ENGASE: variants seen among roughly 807,000 people sequenced by gnomAD.
The protein encoded by ENGASE is cytosolic endo-beta-N-acetylglucosaminidase.
ENGASE carries 69 observed loss-of-function variants against 78.5 expected under a neutral mutation model. The ratio of observed to expected loss-of-function variants is 0.88; its 90% CI spans 0.72 to 1.07. The LOEUF is 1.07. Among genes scored for constraint, ENGASE ranks in the 50% least tolerant of loss-of-function variants. The probability of loss-of-function intolerance (pLI) is 0.00; values close to 1 mark genes in which losing one functional copy is unlikely to be tolerated. For synonymous variants in ENGASE, 408 were observed against 408.9 expected, an observed-to-expected ratio of 1.00 and a Z score of 0.03; for missense variants, 943 against 988.4, an observed-to-expected ratio of 0.95 and a Z score of 0.62.
At chr17:79,084,501 C>T (rs777342352) in intron 10 of ENGASE, 37 bp from the exon 11 acceptor site, 1 of 1,506,840 alleles carries the variant, frequency 6.6e-7, no homozygotes, top group East Asian at 2.6e-5. Context: ...TCTCAGTGGT[C>T]TCTCCACGGC....
At chr17:79,078,324 AGT>A (rs1195990661) in intron 3 of ENGASE, among the ~76,000 whole-genome samples, 1 of 152,188 alleles carries the variant, frequency 6.6e-6, no homozygotes, top group Non-Finnish European at 1.5e-5. Context: ...TGGGCAACAG[AGT>A]GAGACTCTGT....
Position 79,082,015 on chromosome 17 carries a change from T to C in ENGASE, c.990T>C (p.Asp330=). 1.9e-6 allele frequency: 3 copies of C among 1,614,182 alleles called. No individual in the cohort carries two copies. Among genetic ancestry groups the C allele is most frequent in the Admixed American group, 1.7e-5 (1 of 60,022 alleles). Reference sequence around the variant, plus strand: ...GGGCTGATGTGTACGTGGGCGTGGATGTGTTTGCTCGAGGGAACGTGGTCG... The same window carrying C: ...GGGCTGATGTGTACGTGGGCGTGGACGTGTTTGCTCGAGGGAACGTGGTCG... ...ERRADVYVGV[D]VFARGNVVGG... Residue 330 remains aspartate (D), a synonymous_variant, in exon 7 of 14, where the codon GAT becomes GAC. Coordinates refer to ENST00000579016, the MANE Select transcript of ENGASE (RefSeq NM_001042573.3).
rs184174414 is a variant in ENGASE at position 79,086,405 on chromosome 17, G to C, written c.*56G>C. 7.1e-4 allele frequency: 1,102 copies of C among 1,555,472 alleles called. 7 individuals carry two copies. In the African/African-American group the frequency reaches 0.012, roughly 18 times the overall value. ...CTCGGGCTGAGGCCTCTTCCCGGCT[G>C]TCTGCCCCTGGCCTGCGCTGGACCT... On this transcript the variant is annotated 3_prime_UTR_variant, in exon 14 of 14. Transcript: ENST00000579016.
Position 79,086,212 on chromosome 17 carries a change from G to C in ENGASE, c.2095G>C (p.Asp699His). 1 of 1,613,558 alleles carries C rather than the reference G, an allele frequency of 6.2e-7. No homozygotes were observed. The change falls in exon 14 of 14, where the codon GAC (aspartate) becomes CAC (histidine). Residue 699 changes from aspartate to histidine, a missense_variant. Physicochemically the swap from Asp to His is moderately conservative, Grantham distance 81 (BLOSUM62 -1). Coordinates refer to ENST00000579016, the MANE Select transcript of ENGASE (RefSeq NM_001042573.3). ...TTTTGCCACCCAGTACCGGATAGTG[G>C]ACCTGCTGGTGGAAGCCGCCGGGCC... ...LAFATQYRIV[D>H]LLVEAAGPGQ...
intron 7 of ENGASE, chr17:79,082,387 G>C (rs757344417): frequency 3.2e-6 from 4 of 1,263,086 alleles, no homozygotes; most frequent in Non-Finnish European, 4.0e-6. Context: ...GATCTTCCCC[G>C]TGAGGGAAGC....
intron 5 of ENGASE, among the ~76,000 whole-genome samples, chr17:79,080,693 C>T (rs536301661): frequency 6.6e-6 from 1 of 152,224 alleles, no homozygotes; most frequent in East Asian, 1.9e-4. Flanking sequence ...TCGGTGCACT[C>T]TGTCTTTTCC....
At position 79,087,663 on chromosome 17, in the gene ENGASE, G is replaced by A. The variant is rs1180339362; in HGVS notation, c.*1314G>A. 5 of 153,262 alleles carry A rather than the reference G, an allele frequency of 3.3e-5. No individual in the cohort carries two copies. The highest frequency in any genetic ancestry group is 7.3e-5 in the Non-Finnish European group (5 of 68,770). The allele number at this position is 153,262 out of a possible 1,614,324, so 9.5% of individuals were successfully genotyped here. The stretch of plus-strand genomic sequence containing the variant: ...GGCCAGTGGTAGGGGTTCCCTCTAT[G>A]TCGGGCAGTGCTGAGGGCTGGGATG... On this transcript the variant is annotated 3_prime_UTR_variant, in exon 14 of 14. Transcript: ENST00000579016.
chr17:79,082,624 A>G, intron 7 of ENGASE: 1 of 1,289,064 alleles, frequency 7.8e-7, no homozygotes, highest in Non-Finnish European at 1.0e-6. Flanking sequence ...CCGTTCCCAG[A>G]GCCCCAGGGA....
At chr17:79,082,434 T>C in intron 7 of ENGASE, 1 of 1,219,738 alleles carries the variant, frequency 8.2e-7, no homozygotes, top group Non-Finnish European at 1.0e-6. Flanking sequence ...CGCCTCTCAC[T>C]GCGGCTCAGG....
Position 79,087,082 on chromosome 17 carries a change from A to G in ENGASE, c.*733A>G, listed in dbSNP as rs916034801. ...GCGGCGTCTCTTCCGGGCTGTGGGC[A>G]TGCAGGGAAGTGGCTCTGAGGCAGT... On this transcript the variant is annotated 3_prime_UTR_variant, in exon 14 of 14. Coordinates refer to ENST00000579016, the MANE Select transcript of ENGASE (RefSeq NM_001042573.3). 10 of 461,062 alleles carry G rather than the reference A, an allele frequency of 2.2e-5. No homozygotes were observed. The highest frequency in any genetic ancestry group is 2.0e-4 in the African/African-American group (10 of 50,276). The allele number at this position is 461,062 out of a possible 1,614,324, so 28.6% of individuals were successfully genotyped here.
At chr17:79,082,370 G>T in intron 7 of ENGASE, 1 of 1,286,834 alleles carries the variant, frequency 7.8e-7, no homozygotes, top group Non-Finnish European at 9.9e-7. Flanking sequence ...TCCCAGCTGC[G>T]TTCCTTGATC....
chr17:79,086,215 C>G lies in ENGASE; in HGVS notation c.2098C>G (p.Leu700Val), dbSNP rs867506372. The part of the protein sequence containing the change: ...AFATQYRIVD[L>V]LVEAAGPGQD... Reference sequence around the variant, plus strand: ...TGCCACCCAGTACCGGATAGTGGACCTGCTGGTGGAAGCCGCCGGGCCCGG... The same window carrying G: ...TGCCACCCAGTACCGGATAGTGGACGTGCTGGTGGAAGCCGCCGGGCCCGG... Residue 700 changes from leucine to valine, a missense_variant, in exon 14 of 14, where the codon CTG becomes GTG. Leu to Val is a conservative substitution (Grantham distance 32, BLOSUM62 1). Coordinates refer to ENST00000579016, the MANE Select transcript of ENGASE (RefSeq NM_001042573.3). The G allele has an allele frequency of 8.1e-6, 13 of 1,613,530 alleles. No individual in the cohort carries two copies. In the Middle Eastern group the frequency reaches 1.2e-3, roughly 143 times the overall value.
intron 1 of ENGASE, among the ~76,000 whole-genome samples, chr17:79,076,213 C>T (rs904597756): frequency 5.3e-5 from 8 of 152,152 alleles, no homozygotes; most frequent in Admixed American, 2.6e-4. Flanking sequence ...GGAATCTCAA[C>T]GTTGGTGCCA....
rs2072926285 is a variant in ENGASE, at chr17:79,074,853, C to G, written c.-92C>G. 1 of 1,208,734 alleles carries G rather than the reference C, an allele frequency of 8.3e-7. No individual in the cohort carries two copies. The highest frequency in any genetic ancestry group is 1.0e-6 in the Non-Finnish European group (1 of 971,932). The allele number at this position is 1,208,734 out of a possible 1,614,324, so 74.9% of individuals were successfully genotyped here. A position where few individuals can be genotyped will look rare whatever the true frequency, so the allele number is the denominator to read the frequency against. On this transcript the variant is annotated 5_prime_UTR_variant, in exon 1 of 14. Coordinates refer to ENST00000579016, the MANE Select transcript of ENGASE (RefSeq NM_001042573.3). Reference sequence around the variant, plus strand: ...GTCAGCTCGGAGTCCCGTCCCAGCGCGGCGTCAGCGCTGCGCACTTCCCAT... The same window carrying G: ...GTCAGCTCGGAGTCCCGTCCCAGCGGGGCGTCAGCGCTGCGCACTTCCCAT...
chr17:79,083,945 C>T lies in ENGASE; in HGVS notation c.1436C>T (p.Ala479Val). ...ATCCCACCGGAGGTTGGAAATGTGG[C>T]TGTGAGGTGGGTGAGTGACGGAGGA... The part of the protein sequence containing the change: ...GVIPPEVGNV[A>V]VRLFSLQAPV... The change falls in exon 10 of 14, where the codon GCT (alanine) becomes GTT (valine). Residue 479 changes from alanine to valine, a missense_variant. By Grantham distance (64) the Ala-to-Val change is moderately conservative (BLOSUM62 0). Transcript: ENST00000579016. The surrounding 1 kb of genome is among the most constrained non-coding windows in gnomAD (Gnocchi z 4.9). 1 of 1,609,506 alleles carries T rather than the reference C, an allele frequency of 6.2e-7. No homozygotes were observed. Among genetic ancestry groups the T allele is most frequent in the South Asian group, 1.1e-5 (1 of 90,826 alleles).
chr17:79,085,648 C>A lies in ENGASE; in HGVS notation c.1729C>A (p.Leu577Met). ...HCYEVSLRGCLLLDLLVCFSR... is the reference protein window; with the variant it reads ...HCYEVSLRGCMLLDLLVCFSR... ...CTACGAGGTGAGCCTGCGTGGGTGC[C>A]TGCTGCTAGACCTCCTCGTTTGCTT... The change falls in exon 13 of 14, where the codon CTG (leucine) becomes ATG (methionine). Residue 577 changes from leucine to methionine, a missense_variant. Coordinates refer to ENST00000579016, the MANE Select transcript of ENGASE (RefSeq NM_001042573.3). 1 of 1,613,984 alleles carries A rather than the reference C, an allele frequency of 6.2e-7. No individual in the cohort carries two copies. Among genetic ancestry groups the A allele is most frequent in the Non-Finnish European group, 8.5e-7 (1 of 1,180,010 alleles).
In ENGASE at chr17:79,085,962, T is replaced by G. The variant is rs2073290441; in HGVS notation, c.1845T>G (p.Pro615=). The G allele has an allele frequency of 6.2e-7, 1 of 1,603,946 alleles. No homozygotes were observed. The highest frequency in any genetic ancestry group is 8.5e-7 in the Non-Finnish European group (1 of 1,178,560). ...QVVDAASLLA[P]LPQVQAVTIS... is the part of the protein sequence containing the mutation. The stretch of plus-strand genomic sequence containing the variant: ...TGGACGCTGCCAGCCTGCTGGCCCC[T>G]CTGCCCCAGGTGCAGGCCGTCACCA... Residue 615 remains proline, a synonymous_variant, in exon 14 of 14, where the codon CCT becomes CCG. Coordinates refer to ENST00000579016, the MANE Select transcript of ENGASE (RefSeq NM_001042573.3).
chr17:79,075,627 G>A, intron 1 of ENGASE: 6 of 933,454 alleles, frequency 6.4e-6, no homozygotes, highest in Non-Finnish European at 7.7e-6. Flanking sequence ...GCCCCTCTGG[G>A]CTGGGCTTCC....
chr17:79,074,888 G>A lies in ENGASE; in HGVS notation c.-57G>A. 3 of 1,239,418 alleles carry A rather than the reference G, an allele frequency of 2.4e-6. No homozygotes were observed. Among genetic ancestry groups the A allele is most frequent in the Admixed American group, 3.7e-5 (1 of 26,818 alleles). 76.8% of individuals were successfully genotyped at this position (1,239,418 alleles called of 1,614,324 possible). Reference sequence around the variant, plus strand: ...GCTGCGCACTTCCCATTGGCCGAGCGCGGCGCGGGGGCGGGCCCGGGCCTG... The same window carrying A: ...GCTGCGCACTTCCCATTGGCCGAGCACGGCGCGGGGGCGGGCCCGGGCCTG... On this transcript the variant is annotated 5_prime_UTR_variant, in exon 1 of 14. Transcript: ENST00000579016.
Sources: gnomAD v4.1 joint callset for allele counts (sites outside exome capture counted in the v4.1 genomes callset) on GRCh38, gnomAD v4.1.1 for gene constraint, Gnocchi (gnomAD v3.1) non-coding constraint, MANE v1.5 for transcripts, NCBI Gene and HGNC (gene_info 2026-07-23, HGNC 2026-07-21) for gene names.